Variants in UBXN4 observed in about 807,000 individuals in gnomAD.
The protein encoded by UBXN4 is UBX domain protein 4.
A neutral mutation model predicts 66.2 loss-of-function variants in UBXN4; 35 were observed. The ratio of observed to expected loss-of-function variants is 0.53; its 90% CI spans 0.40 to 0.70. UBXN4 has a LOEUF of 0.70. Among genes scored for constraint, UBXN4 ranks in the 30% least tolerant of loss-of-function variants. The pLI is 0.00. For missense variants in UBXN4, 533 were observed against 599.8 expected (o/e 0.89, Z 1.16); for synonymous variants, 203 against 204.5 (o/e 0.99, Z 0.06).
chr2:135,775,591 G>A (rs4954423), intron 9 of UBXN4, among the ~76,000 whole-genome samples: 147,979 of 152,278 alleles, frequency 0.97, 72,018 homozygotes, highest in Non-Finnish European at 1. Context: ...AGACAAATCC[G>A]TAGAGATAGT....
chr2:135,755,800 A>G (rs2105496323), intron 5 of UBXN4, 109 bp downstream of exon 5: 2 of 734,084 alleles, frequency 2.7e-6, no homozygotes, highest in Middle Eastern at 5.3e-4. Context: ...CTTCACATTT[A>G]TTTAACTTAA....
chr2:135,746,188 A>T (rs2077206718), intron 1 of UBXN4, among the ~76,000 whole-genome samples: 2 of 152,098 alleles, frequency 1.3e-5, no homozygotes, highest in African/African-American at 4.8e-5. Context: ...CAAATTTCTC[A>T]AACTCCTATT....
At chr2:135,743,942 A>G (rs1311676867) in intron 1 of UBXN4, among the ~76,000 whole-genome samples, 1 of 152,190 alleles carries the variant, frequency 6.6e-6, no homozygotes, top group African/African-American at 2.4e-5. Context: ...TGACTCTTGA[A>G]TGTTTGCAGG....
At chr2:135,782,623 T>C (rs908559876) in intron 12 of UBXN4, 126 bp from the exon 13 acceptor site, 5 of 1,140,500 alleles carry the variant, frequency 4.4e-6, no homozygotes, top group African/African-American at 3.1e-5. Context: ...CCATGGACTT[T>C]CCTTACTTTA....
Position 135,778,963 on chromosome 2 carries a change from T to TAA in UBXN4, c.1070_1071insAA (p.Tyr357Ter), listed in dbSNP as rs1207574312. 1 of 1,612,624 alleles carries TAA rather than the reference T, an allele frequency of 6.2e-7. No homozygotes were observed. The highest frequency in any genetic ancestry group is 8.5e-7 in the Non-Finnish European group (1 of 1,179,574). The change falls in exon 11 of 13, where the codon TAC (tyrosine) becomes TAAAC (stop). Residue 357 changes from tyrosine to a stop codon, truncating the protein, a stop_gained and frameshift_variant. Coordinates refer to ENST00000272638, the MANE Select transcript of UBXN4 (RefSeq NM_014607.4). LOFTEE classifies it high-confidence loss of function. ...QFAAQTVGNTYGNFSLATMFP... is the reference protein window; with the variant it reads ...QFAAQTVGNT ...TATTTTACAGACTGTTGGCAACACT[T>TAA]ACGGTAATTTTTCGTTAGCAACCAT...
Position 135,779,595 on chromosome 2 carries a change from G to A in UBXN4, c.1185+516G>A, listed in dbSNP as rs76910214. Among the ~76,000 whole-genome samples, 70 of 151,998 alleles carry A rather than the reference G, an allele frequency of 4.6e-4. No homozygotes were observed. The East Asian group carries it at 0.013, about 29-fold the overall frequency. ...TAGTTTTCCTTGCTCTATACTAGAC[G>A]TGCCCTCCACCCCAAAACAGTTAGC... On this transcript the variant is annotated intron_variant, in intron 11 of 12. Transcript: ENST00000272638.
intron 5 of UBXN4, among the ~76,000 whole-genome samples, chr2:135,760,989 G>A (rs1191873239): frequency 6.6e-6 from 1 of 152,156 alleles, no homozygotes; most frequent in Non-Finnish European, 1.5e-5. Context: ...CTTACCATGT[G>A]CCAGTCTCAG....
Position 135,780,314 on chromosome 2 carries a change from C to G in UBXN4, c.1317C>G (p.Pro439=). The change falls in exon 12 of 13, where the codon CCC becomes CCG. Residue 439 remains proline, a synonymous_variant. Transcript: ENST00000272638. The part of the protein sequence containing the change: ...ISNFLFSNPP[P]TQTSVRVTSS... ...ATTTCTTGTTTAGTAATCCGCCTCC[C>G]ACACAGACTTCAGTGAGAGTAACAT... The G allele has an allele frequency of 6.2e-7, 1 of 1,614,168 alleles. No homozygotes were observed. The highest frequency in any genetic ancestry group is 8.5e-7 in the Non-Finnish European group (1 of 1,180,032).
chr2:135,782,065 C>T (rs554562840), intron 12 of UBXN4, among the ~76,000 whole-genome samples: 6 of 152,276 alleles, frequency 3.9e-5, no homozygotes, highest in South Asian at 2.1e-4. Flanking sequence ...ACAGAGGGGA[C>T]ACCCTGTCTC....
At chr2:135,759,765 A>AAT (rs1394498228) in intron 5 of UBXN4, among the ~76,000 whole-genome samples, 1 of 55,036 alleles carries the variant, frequency 1.8e-5, no homozygotes, top group African/African-American at 5.1e-5. Context: ...TTCAATCCAG[A>AAT]ATTTTTTTTT....
At chr2:135,772,339 AT>A (rs1209735684) in intron 8 of UBXN4, 80 bp from the exon 9 acceptor site, 8 of 1,528,160 alleles carry the variant, frequency 5.2e-6, no homozygotes, top group Admixed American at 4.1e-5. Context: ...AAAAAAAAAA[AT>A]TCCATGCATA....
chr2:135,764,175 A>G (rs968570113), intron 6 of UBXN4, among the ~76,000 whole-genome samples: 3 of 152,196 alleles, frequency 2.0e-5, no homozygotes, highest in Non-Finnish European at 4.4e-5. Context: ...GGATTAGCAA[A>G]TGTAAGATTC....
intron 2 of UBXN4, 86 bp downstream of exon 2, chr2:135,748,455 T>C: frequency 4.7e-6 from 5 of 1,052,764 alleles, no homozygotes; most frequent in Non-Finnish European, 6.4e-6. Flanking sequence ...ACTAGAAGAA[T>C]GTTGATGTTG....
chr2:135,750,702 T>C (rs1314603563), intron 2 of UBXN4, among the ~76,000 whole-genome samples: 2 of 152,022 alleles, frequency 1.3e-5, no homozygotes, highest in Non-Finnish European at 1.5e-5. Flanking sequence ...TCTTTTTTTT[T>C]TTATTGTTCA....
intron 10 of UBXN4, among the ~76,000 whole-genome samples, chr2:135,777,549 A>G (rs1226940452): frequency 6.6e-6 from 1 of 152,144 alleles, no homozygotes; most frequent in East Asian, 1.9e-4. Flanking sequence ...TGCCACAGGT[A>G]AATGGAGAAG....
chr2:135,781,371 T>G (rs2077448151), intron 12 of UBXN4, among the ~76,000 whole-genome samples: 2 of 152,240 alleles, frequency 1.3e-5, no homozygotes, highest in African/African-American at 4.8e-5. Flanking sequence ...AAAGTAAGTT[T>G]ATGCCCCTTT....
At chr2:135,748,203 G>C in intron 1 of UBXN4, 64 bp from the exon 2 acceptor site, 1 of 1,277,786 alleles carries the variant, frequency 7.8e-7, no homozygotes, top group Admixed American at 2.5e-5. Context: ...CCGTTTTCCA[G>C]GGGAAAAGAG....
chr2:135,757,785 ATT>A (rs112696573), intron 5 of UBXN4, among the ~76,000 whole-genome samples: 5 of 143,760 alleles, frequency 3.5e-5, no homozygotes, highest in Admixed American at 7.0e-5. Context: ...CTTAAAAAAA[ATT>A]TTTTTTTTTT....
At chr2:135,771,338 G>A (rs2077382060) in intron 8 of UBXN4, among the ~76,000 whole-genome samples, 1 of 152,046 alleles carries the variant, frequency 6.6e-6, no homozygotes, top group African/African-American at 2.4e-5. Context: ...TTAATCGGGT[G>A]TGGTGGTGGG....
Sources: allele counts gnomAD v4.1 joint callset (sites outside exome capture counted in the v4.1 genomes callset), GRCh38; gene constraint gnomAD v4.1.1; transcripts MANE v1.5; gene names NCBI Gene and HGNC (gene_info 2026-07-23, HGNC 2026-07-21).